Variants in ZEB2 observed in about 807,000 individuals in gnomAD.
ZEB2 encodes zinc finger E-box-binding homeobox 2.
Under a neutral mutation model 99.9 loss-of-function variants are expected in ZEB2, and 6 were observed. The observed-to-expected ratio is 0.06, with a 90% CI of 0.03 to 0.12. The LOEUF (loss-of-function observed/expected upper bound fraction) is 0.12, where lower values mean the gene tolerates loss of function less well. Ranked by LOEUF, ZEB2 falls within the 10% of genes least tolerant of loss-of-function variation. The pLI, the probability that ZEB2 is intolerant of heterozygous loss-of-function variation, is 1.00. For synonymous variants in ZEB2, 517 were observed against 542.5 expected (o/e 0.95, Z 0.65); for missense variants, 969 against 1,502.8 (o/e 0.64, Z 5.87).
intron 2 of ZEB2, chr2:144,503,526 C>A (rs1704904217): frequency 6.6e-6 from 1 of 152,066 alleles, no homozygotes; most frequent in Non-Finnish European, 1.5e-5. Context: ...ACCCCCAAGT[C>A]TAGTTGGAAA....
At chr2:144,410,732 C>T (rs1703448831) in intron 4 of ZEB2, among the ~76,000 whole-genome samples, 1 of 151,838 alleles carries the variant, frequency 6.6e-6, no homozygotes, top group Non-Finnish European at 1.5e-5. Flanking sequence ...GGTTTAGTGT[C>T]CTGCATGCTT....
At chr2:144,512,532 G>C (rs1056894255) in intron 2 of ZEB2, 1 of 1,287,192 alleles carries the variant, frequency 7.8e-7, no homozygotes. Flanking sequence ...CATAGCAGTT[G>C]AGCAGGGAAC....
At chr2:144,456,027 A>G (rs760566601) in intron 2 of ZEB2, among the ~76,000 whole-genome samples, 9 of 152,194 alleles carry the variant, frequency 5.9e-5, no homozygotes, top group Non-Finnish European at 1.3e-4. Context: ...CAACTCTTAT[A>G]AGAACTTAAA....
intron 9 of ZEB2, among the ~76,000 whole-genome samples, chr2:144,392,190 T>A (rs1703162910): frequency 6.6e-6 from 1 of 152,234 alleles, no homozygotes; most frequent in South Asian, 2.1e-4. Context: ...ATGGGCAAAC[T>A]GTCCTACAAC....
intron 2 of ZEB2, among the ~76,000 whole-genome samples, chr2:144,491,057 C>A (rs1704671637): frequency 6.6e-6 from 1 of 152,162 alleles, no homozygotes; most frequent in African/African-American, 2.4e-5. Context: ...ACACGATAGA[C>A]CGGAACAGCT....
chr2:144,445,986 C>G (rs552501085), intron 2 of ZEB2, among the ~76,000 whole-genome samples: 5 of 152,148 alleles, frequency 3.3e-5, no homozygotes, highest in African/African-American at 1.2e-4. Flanking sequence ...GTTGCATCAG[C>G]CTTTCAGAAG....
chr2:144,516,938 G>T (rs1160674933), intron 2 of ZEB2, among the ~76,000 whole-genome samples: 2 of 151,308 alleles, frequency 1.3e-5, no homozygotes, highest in East Asian at 2.0e-4. Flanking sequence ...CCGGAGACCC[G>T]GCGGGCCGGG....
intron 2 of ZEB2, among the ~76,000 whole-genome samples, chr2:144,437,467 C>T (rs1703853591): frequency 2.6e-5 from 4 of 152,232 alleles, no homozygotes; most frequent in Middle Eastern, 3.4e-3. Flanking sequence ...TTGGAATCCA[C>T]GATCATTCAA....
At chr2:144,460,002 C>G (rs1424145063) in intron 2 of ZEB2, among the ~76,000 whole-genome samples, 1 of 152,130 alleles carries the variant, frequency 6.6e-6, no homozygotes, top group Admixed American at 6.6e-5. Flanking sequence ...GAAAGGTTAC[C>G]CTCCGAGCCA....
intron 6 of ZEB2, 42 bp downstream of exon 6, chr2:144,403,874 G>A (rs765700500): frequency 1.2e-6 from 2 of 1,607,868 alleles, no homozygotes; most frequent in South Asian, 1.1e-5. Flanking sequence ...GTTTCTCTAA[G>A]GGGTTATTAT....
intron 6 of ZEB2, among the ~76,000 whole-genome samples, chr2:144,401,855 C>T (rs1283602690): frequency 1.3e-5 from 2 of 152,018 alleles, no homozygotes; most frequent in Non-Finnish European, 2.9e-5. Context: ...AACAAAAAAA[C>T]CTTGACTATA....
intron 2 of ZEB2, among the ~76,000 whole-genome samples, chr2:144,442,814 GT>G (rs1560626295): frequency 1.3e-5 from 2 of 151,974 alleles, no homozygotes; most frequent in South Asian, 4.1e-4. Context: ...ATCAGTTTAA[GT>G]TTTTTTAAAA....
rs568064903 is a variant in ZEB2 at position 144,431,178 on chromosome 2, C to T, written c.74-1152G>A. 4.7e-4 allele frequency among the ~76,000 whole-genome samples: 71 copies of T among 152,304 alleles called. 1 individual carries two copies. The highest frequency in any genetic ancestry group is 4.6e-3 in the South Asian group (22 of 4,828). ...CTCTGCGCCTAATAAAGCAATCCTC[C>T]GCTAAGTTATCAACTGAGCTATCTC... is the stretch of plus-strand genomic sequence containing the variant. On this transcript the variant is annotated intron_variant, in intron 2 of 9. Coordinates refer to ENST00000627532, the MANE Select transcript of ZEB2 (RefSeq NM_014795.4).
chr2:144,405,823 T>C (rs1002024977), intron 4 of ZEB2, among the ~76,000 whole-genome samples: 4 of 152,228 alleles, frequency 2.6e-5, no homozygotes, highest in Non-Finnish European at 5.9e-5. Flanking sequence ...TGAATAACAG[T>C]TGTAACTCAA....
At chr2:144,407,221 TC>T (rs1295683069) in intron 4 of ZEB2, among the ~76,000 whole-genome samples, 2 of 152,240 alleles carry the variant, frequency 1.3e-5, no homozygotes, top group Admixed American at 1.3e-4. Context: ...CTCTGTAACT[TC>T]TAATAAGGTT....
intron 1 of ZEB2, chr2:144,519,449 G>T: frequency 6.5e-6 from 1 of 153,646 alleles, no homozygotes; most frequent in Non-Finnish European, 1.4e-5. Flanking sequence ...CCATGTCTAA[G>T]AGAAAGACTT....
chr2:144,496,892 C>G (rs1276380395), intron 2 of ZEB2: 2 of 152,180 alleles, frequency 1.3e-5, no homozygotes, highest in Non-Finnish European at 2.9e-5. Flanking sequence ...TGTCACTCTT[C>G]TATAAAACAT....
At chr2:144,413,660 T>TA (rs1160821612) in intron 4 of ZEB2, among the ~76,000 whole-genome samples, 3 of 152,218 alleles carry the variant, frequency 2.0e-5, no homozygotes, top group Non-Finnish European at 4.4e-5. Context: ...ATGTGATAGA[T>TA]ACAACCAAGA....
At position 144,489,512 on chromosome 2, in the gene ZEB2, TA is replaced by T. The variant is rs375365277; in HGVS notation, c.73+27765del. ...CTTTTAGAATTAAGGAGAAAATGCATATCAGCAGAATCTCCTCTCTACTTTA... is the reference window on the plus strand; with the variant it reads ...CTTTTAGAATTAAGGAGAAAATGCATTCAGCAGAATCTCCTCTCTACTTTA... On this transcript the variant is annotated intron_variant, in intron 2 of 9. Coordinates refer to ENST00000627532, the MANE Select transcript of ZEB2 (RefSeq NM_014795.4). Among the ~76,000 whole-genome samples the T allele has an allele frequency of 1.4e-4, 22 of 152,348 alleles. No individual in the cohort carries two copies. In the East Asian group the frequency reaches 2.7e-3, roughly 19 times the overall value.
Sources: gnomAD v4.1 joint callset for allele counts (sites outside exome capture counted in the v4.1 genomes callset) on GRCh38, gnomAD v4.1.1 for gene constraint, MANE v1.5 for transcripts, NCBI Gene and HGNC (gene_info 2026-07-23, HGNC 2026-07-21) for gene names.